The following DOK5 variants were observed in gnomAD, a reference collection of about 807,000 sequenced individuals.
DOK5 encodes the protein downstream of tyrosine kinase 5.
In DOK5, 27 loss-of-function variants were observed where a neutral mutation model predicts 43.3. That is an observed-to-expected ratio of 0.62 (90% CI 0.46 to 0.86). DOK5 has a LOEUF of 0.86. Among genes scored for constraint, DOK5 ranks in the 40% least tolerant of loss-of-function variants. The pLI, the probability that DOK5 is intolerant of heterozygous loss-of-function variation, is 0.00. For synonymous variants in DOK5, 146 were observed against 140.1 expected, an observed-to-expected ratio of 1.04 and a Z score of -0.30; for missense variants, 373 against 392.9, an observed-to-expected ratio of 0.95 and a Z score of 0.43.
At chr20:54,649,637 C>T (rs550310036) in intron 7 of DOK5, among the ~76,000 whole-genome samples, 1 of 152,242 alleles carries the variant, frequency 6.6e-6, no homozygotes, top group African/African-American at 2.4e-5. Context: ...CAGCAGGTGG[C>T]AGTAGAACCT....
At chr20:54,612,422 G>C (rs988947724) in intron 6 of DOK5, among the ~76,000 whole-genome samples, 1 of 152,136 alleles carries the variant, frequency 6.6e-6, no homozygotes, top group African/African-American at 2.4e-5. Context: ...TGGGACACAG[G>C]GTGCCTAGAT....
chr20:54,649,529 C>G (rs1244144544), intron 7 of DOK5, among the ~76,000 whole-genome samples: 1 of 152,232 alleles, frequency 6.6e-6, no homozygotes, highest in Non-Finnish European at 1.5e-5. Flanking sequence ...CACACATTTA[C>G]TCACCAAGGC....
chr20:54,498,342 C>T (rs1195371796), intron 1 of DOK5, among the ~76,000 whole-genome samples: 1 of 152,192 alleles, frequency 6.6e-6, no homozygotes. Context: ...TCAGCAACAT[C>T]TCTCCCATTG....
intron 1 of DOK5, among the ~76,000 whole-genome samples, chr20:54,489,904 C>T (rs1164615636): frequency 1.3e-5 from 2 of 152,112 alleles, no homozygotes; most frequent in Non-Finnish European, 2.9e-5. Flanking sequence ...ATGAAAGTTG[C>T]TTTGGAGGAT....
intron 1 of DOK5, among the ~76,000 whole-genome samples, chr20:54,528,554 C>T (rs1200845661): frequency 6.6e-6 from 1 of 152,094 alleles, no homozygotes; most frequent in Non-Finnish European, 1.5e-5. Flanking sequence ...CTAATTTTGT[C>T]CCTTCTCATT....
chr20:54,585,189 C>T (rs199714355), intron 2 of DOK5, among the ~76,000 whole-genome samples: 2 of 151,908 alleles, frequency 1.3e-5, no homozygotes, highest in East Asian at 3.9e-4. Flanking sequence ...TGCACATGCC[C>T]ACTAGGTGTA....
chr20:54,614,089 A>C (rs1397872409), intron 6 of DOK5, among the ~76,000 whole-genome samples: 5 of 151,566 alleles, frequency 3.3e-5, no homozygotes, highest in African/African-American at 1.2e-4. Flanking sequence ...TAAAACAACA[A>C]CAAAAAACCT....
intron 1 of DOK5, among the ~76,000 whole-genome samples, chr20:54,545,300 T>G (rs1365181940): frequency 6.6e-6 from 1 of 152,240 alleles, no homozygotes; most frequent in African/African-American, 2.4e-5. Context: ...CTGGTTCTCC[T>G]TGGTTAACAT....
chr20:54,532,495 G>A (rs1262004167), intron 1 of DOK5, among the ~76,000 whole-genome samples: 2 of 152,184 alleles, frequency 1.3e-5, no homozygotes, highest in Non-Finnish European at 2.9e-5. Flanking sequence ...GCGCCCAGGT[G>A]CAAGAAAGAA....
intron 1 of DOK5, among the ~76,000 whole-genome samples, chr20:54,502,684 G>A (rs1230432976): frequency 1.3e-5 from 2 of 152,026 alleles, no homozygotes; most frequent in Non-Finnish European, 2.9e-5. Context: ...TAGTATATAT[G>A]CGCTATCCAT....
chr20:54,599,357 A>G (rs1028148278), intron 5 of DOK5, among the ~76,000 whole-genome samples: 8 of 152,254 alleles, frequency 5.3e-5, no homozygotes, highest in African/African-American at 1.9e-4. Context: ...AATAATTTTA[A>G]TTACAAAGAT....
intron 2 of DOK5, among the ~76,000 whole-genome samples, chr20:54,568,820 C>G (rs1249883855): frequency 6.6e-6 from 1 of 151,854 alleles, no homozygotes; most frequent in Admixed American, 6.6e-5. Flanking sequence ...GTCCCAGCTA[C>G]TCGGGAGGCT....
intron 1 of DOK5, among the ~76,000 whole-genome samples, chr20:54,551,981 C>A (rs1254566443): frequency 6.6e-6 from 1 of 152,106 alleles, no homozygotes; most frequent in African/African-American, 2.4e-5. Context: ...GCATGTGCCA[C>A]CACTCCCAGC....
intron 1 of DOK5, among the ~76,000 whole-genome samples, chr20:54,534,817 A>G (rs980630798): frequency 2.1e-5 from 3 of 139,976 alleles, no homozygotes; most frequent in African/African-American, 9.7e-5. Context: ...TTTTGAAAGC[A>G]TGTTTCTTTC....
intron 1 of DOK5, among the ~76,000 whole-genome samples, chr20:54,542,416 A>T (rs1030780143): frequency 6.6e-6 from 1 of 152,254 alleles, no homozygotes; most frequent in Non-Finnish European, 1.5e-5. Context: ...AGACAAATAA[A>T]TATAACAAAT....
chr20:54,548,550 A>G (rs1049322781), intron 1 of DOK5, among the ~76,000 whole-genome samples: 2 of 152,164 alleles, frequency 1.3e-5, no homozygotes, highest in Non-Finnish European at 2.9e-5. Context: ...ATTAACTACT[A>G]TTTATAGCCA....
At chr20:54,489,705 T>C (rs1982088780) in intron 1 of DOK5, among the ~76,000 whole-genome samples, 1 of 152,202 alleles carries the variant, frequency 6.6e-6, no homozygotes, top group South Asian at 2.1e-4. Flanking sequence ...CACAGCCTTA[T>C]GTGTAAGAAC....
chr20:54,476,107 G>T, intron 1 of DOK5, 95 bp downstream of exon 1: 1 of 1,570,530 alleles, frequency 6.4e-7, no homozygotes, highest in Non-Finnish European at 8.6e-7. Flanking sequence ...GTCCCCGGCC[G>T]CGCGCCGGAG....
At chr20:54,541,664 T>C (rs1984162781) in intron 1 of DOK5, among the ~76,000 whole-genome samples, 1 of 152,082 alleles carries the variant, frequency 6.6e-6, no homozygotes, top group South Asian at 2.1e-4. Flanking sequence ...CTAGAACTCC[T>C]GACCTCAAGT....
Sources: gnomAD v4.1 joint callset for allele counts (sites outside exome capture counted in the v4.1 genomes callset) on GRCh38, gnomAD v4.1.1 for gene constraint, MANE v1.5 for transcripts, NCBI Gene and HGNC (gene_info 2026-07-23, HGNC 2026-07-21) for gene names.